Variants in EIF2B3 observed in about 807,000 individuals in gnomAD.
EIF2B3 encodes the protein translation initiation factor eIF2B subunit gamma.
EIF2B3 carries 20 observed loss-of-function variants against 54.1 expected under a neutral mutation model. The observed-to-expected ratio is 0.37, with a 90% confidence interval of 0.26 to 0.54. The LOEUF (loss-of-function observed/expected upper bound fraction) is 0.54. EIF2B3 is among the 20% of genes least tolerant of loss of function. The pLI is 0.86. For synonymous variants in EIF2B3, 153 were observed against 188.1 expected (o/e 0.81, Z 1.52); for missense variants, 448 against 547.8 (o/e 0.82, Z 1.82).
At chr1:44,886,867 C>T (rs757476039) in intron 6 of EIF2B3, among the ~76,000 whole-genome samples, 1 of 152,178 alleles carries the variant, frequency 6.6e-6, no homozygotes, top group Non-Finnish European at 1.5e-5. Context: ...TGGGGGCTTC[C>T]TAATTCATGA....
intron 1 of EIF2B3, among the ~76,000 whole-genome samples, chr1:44,983,199 C>T (rs537729690): frequency 6.6e-6 from 1 of 152,350 alleles, no homozygotes; most frequent in African/African-American, 2.4e-5. Flanking sequence ...GAGGCATGAG[C>T]CACTGCACCT....
intron 4 of EIF2B3, among the ~76,000 whole-genome samples, chr1:44,941,045 C>T (rs1217384761): frequency 2.6e-5 from 4 of 151,846 alleles, no homozygotes; most frequent in Non-Finnish European, 5.9e-5. Flanking sequence ...CGCCACCACG[C>T]CCAGCTAATT....
chr1:44,939,101 CAAAA>C (rs35410499), intron 4 of EIF2B3, among the ~76,000 whole-genome samples: 1,743 of 56,242 alleles, frequency 0.031, 38 homozygotes, highest in African/African-American at 0.11. Context: ...GACCCTGTCT[CAAAA>C]AAAAAAAAAA....
intron 5 of EIF2B3, chr1:44,925,330 C>T (rs1426227244): frequency 1.3e-5 from 2 of 152,134 alleles, no homozygotes; most frequent in Non-Finnish European, 2.9e-5. Context: ...TGGCTACATA[C>T]ATACAACGGA....
At position 44,850,937 on chromosome 1, in the gene EIF2B3, GA is replaced by G; in HGVS notation, c.*13del. ...TTTGGAGGCCAAAAGGAAGGAGTCT[GA>G]CTTGCTCAGAACTCAGATCTCCATG... On this transcript the variant is annotated 3_prime_UTR_variant, in exon 12 of 12. Coordinates refer to ENST00000360403, the MANE Select transcript of EIF2B3 (RefSeq NM_020365.5). 1 of 1,614,078 alleles carries G rather than the reference GA, an allele frequency of 6.2e-7. No individual in the cohort carries two copies. The highest frequency in any genetic ancestry group is 8.5e-7 in the Non-Finnish European group (1 of 1,179,978).
intron 5 of EIF2B3, among the ~76,000 whole-genome samples, chr1:44,897,947 G>C (rs1391109944): frequency 6.6e-6 from 1 of 151,834 alleles, no homozygotes; most frequent in African/African-American, 2.4e-5. Flanking sequence ...TGTTGGCCAG[G>C]CTGGTCTCGA....
chr1:44,917,836 C>T (rs1432191759), intron 5 of EIF2B3, among the ~76,000 whole-genome samples: 1 of 119,568 alleles, frequency 8.4e-6, no homozygotes, highest in Non-Finnish European at 1.6e-5. Context: ...TTCAGTGGTG[C>T]GATCTCGGCT....
intron 10 of EIF2B3, among the ~76,000 whole-genome samples, chr1:44,860,322 C>T (rs550976798): frequency 6.6e-6 from 1 of 152,246 alleles, no homozygotes; most frequent in East Asian, 1.9e-4. Flanking sequence ...GCTAACAAAT[C>T]TAGTAATTTC....
At chr1:44,913,797 G>C (rs1288783581) in intron 5 of EIF2B3, among the ~76,000 whole-genome samples, 1 of 151,492 alleles carries the variant, frequency 6.6e-6, no homozygotes, top group Admixed American at 6.6e-5. Context: ...ACCGCACCCA[G>C]CCTTACTTGC....
chr1:44,903,949 C>T (rs1643364627), intron 5 of EIF2B3, among the ~76,000 whole-genome samples: 1 of 152,134 alleles, frequency 6.6e-6, no homozygotes, highest in Non-Finnish European at 1.5e-5. Context: ...TGGTAGCACA[C>T]ACCTGTAATC....
intron 11 of EIF2B3, among the ~76,000 whole-genome samples, chr1:44,852,716 T>C (rs1573673911): frequency 1.3e-5 from 2 of 150,456 alleles, no homozygotes; most frequent in Non-Finnish European, 1.5e-5. Context: ...GAGGTGGAGG[T>C]TGCAGTGAGC....
chr1:44,851,629 A>T (rs2148890147), intron 11 of EIF2B3, among the ~76,000 whole-genome samples: 1 of 152,240 alleles, frequency 6.6e-6, no homozygotes, highest in Admixed American at 6.5e-5. Flanking sequence ...AGACAGTGAG[A>T]TGGGAGAAAG....
chr1:44,855,224 G>C (rs1431436390), intron 11 of EIF2B3, among the ~76,000 whole-genome samples: 1 of 152,148 alleles, frequency 6.6e-6, no homozygotes, highest in Admixed American at 6.5e-5. Context: ...GAAGTGGTGG[G>C]GTTGTCCAGT....
At chr1:44,919,248 G>A (rs1643688360) in intron 5 of EIF2B3, among the ~76,000 whole-genome samples, 1 of 152,050 alleles carries the variant, frequency 6.6e-6, no homozygotes, top group South Asian at 2.1e-4. Flanking sequence ...TACTCGGGAG[G>A]CTGAGGCAGG....
chr1:44,954,347 A>C (rs947825029), intron 3 of EIF2B3, among the ~76,000 whole-genome samples: 3 of 152,196 alleles, frequency 2.0e-5, no homozygotes, highest in African/African-American at 7.2e-5. Context: ...CACAATATTG[A>C]TTCTTCCTAT....
chr1:44,983,213 C>T (rs866133583), intron 1 of EIF2B3, among the ~76,000 whole-genome samples: 8 of 152,204 alleles, frequency 5.3e-5, no homozygotes, highest in South Asian at 4.1e-4. Context: ...TGCACCTGAC[C>T]GATCTTTACT....
intron 5 of EIF2B3, chr1:44,925,107 T>A (rs1241687680): frequency 2.0e-5 from 3 of 152,214 alleles, no homozygotes; most frequent in Non-Finnish European, 4.4e-5. Flanking sequence ...GAAAATGCCA[T>A]GGAAACAGTA....
chr1:44,860,704 G>A (rs1166191537), intron 10 of EIF2B3, among the ~76,000 whole-genome samples: 2 of 152,142 alleles, frequency 1.3e-5, no homozygotes, highest in African/African-American at 4.8e-5. Flanking sequence ...AGCTGATATG[G>A]CTCAGTGGAA....
At chr1:44,963,144 G>A (rs1225890879) in intron 3 of EIF2B3, among the ~76,000 whole-genome samples, 2 of 151,954 alleles carry the variant, frequency 1.3e-5, no homozygotes, top group Admixed American at 1.3e-4. Flanking sequence ...GATCCCAGGA[G>A]GCTGAGGTTG....
Sources: allele counts gnomAD v4.1 joint callset (sites outside exome capture counted in the v4.1 genomes callset), GRCh38; gene constraint gnomAD v4.1.1; transcripts MANE v1.5; gene names NCBI Gene and HGNC (gene_info 2026-07-23, HGNC 2026-07-21).